CFAP46: variants seen among roughly 807,000 people sequenced by gnomAD.
CFAP46 encodes cilia- and flagella-associated protein 46.
CFAP46 carries 245 observed loss-of-function variants against 325.7 expected under a neutral mutation model. The observed-to-expected ratio is 0.75, with a 90% CI of 0.68 to 0.84. CFAP46 has a LOEUF of 0.84. CFAP46 is among the 40% of genes least tolerant of loss of function. CFAP46 has a pLI of 0.00. For synonymous variants in CFAP46, 1,523 were observed against 1,495.9 expected, an observed-to-expected ratio of 1.02 and a Z score of -0.42; for missense variants, 3,346 against 3,543.0, an observed-to-expected ratio of 0.94 and a Z score of 1.41.
chr10:132,835,181 C>T (rs1315863928), intron 47 of CFAP46, 123 bp downstream of exon 47: 3 of 1,359,098 alleles, frequency 2.2e-6, no homozygotes, highest in Non-Finnish European at 3.0e-6. Flanking sequence ...GTTGGGATGG[C>T]CCAAGCCCTT....
intron 50 of CFAP46, among the ~76,000 whole-genome samples, chr10:132,822,263 GT>G (rs62647713): frequency 0.21 from 12,969 of 62,652 alleles, 1,470 homozygotes; most frequent in African/African-American, 0.3. Context: ...GATGTGTGCT[GT>G]GTGTGTGCTG....
intron 10 of CFAP46, among the ~76,000 whole-genome samples, 180 bp from the exon 11 acceptor site, chr10:132,925,066 G>A (rs896780406): frequency 2.6e-5 from 4 of 152,232 alleles, no homozygotes; most frequent in African/African-American, 7.2e-5. Flanking sequence ...GGAAGTGGAC[G>A]TCTCACAAGA....
At position 132,813,409 on chromosome 10, in the gene CFAP46, C is replaced by T. The variant is rs1216939482; in HGVS notation, c.7389-512G>A. ...CTCTGCACACACCTGTCCCTGCACA[C>T]ACCTGCCCCTGCAGCCCCACCTCTG... is the stretch of plus-strand genomic sequence containing the variant. On this transcript the variant is annotated intron_variant, in intron 54 of 57. Coordinates refer to ENST00000368586, the MANE Select transcript of CFAP46 (RefSeq NM_001200049.3). Among the ~76,000 whole-genome samples the T allele has an allele frequency of 3.7e-4, 53 of 144,986 alleles. 1 individual carries two copies. Among genetic ancestry groups the T allele is most frequent in the African/African-American group, 1.2e-3 (47 of 38,476 alleles).
chr10:132,926,859 T>C (rs550820542), intron 9 of CFAP46, among the ~76,000 whole-genome samples, 193 bp from the exon 10 acceptor site: 2 of 152,316 alleles, frequency 1.3e-5, no homozygotes, highest in East Asian at 1.9e-4. Context: ...ACCAACTCCT[T>C]GTCTGCCTGC....
chr10:132,836,266 C>A, intron 45 of CFAP46, 48 bp from the exon 46 acceptor site: 2 of 1,566,126 alleles, frequency 1.3e-6, no homozygotes, highest in Non-Finnish European at 8.8e-7. Context: ...ATGAAGGAAA[C>A]ACACCTCACA....
chr10:132,868,967 G>A (rs1237394424), intron 33 of CFAP46, among the ~76,000 whole-genome samples: 4 of 152,290 alleles, frequency 2.6e-5, no homozygotes, highest in South Asian at 2.1e-4. Context: ...CTCAGGACCC[G>A]GCGCCCAGCA....
intron 41 of CFAP46, 36 bp downstream of exon 41, chr10:132,850,208 T>C (rs1848513158): frequency 2.6e-6 from 4 of 1,547,436 alleles, no homozygotes; most frequent in Non-Finnish European, 3.5e-6. Flanking sequence ...TGACTGGTGT[T>C]GGAGCCAGAC....
rs967082695 is a variant in CFAP46 at position 132,817,924 on chromosome 10, C to G, written c.7118-3010G>C. Among the ~76,000 whole-genome samples, 2 of 152,220 alleles carry G rather than the reference C, an allele frequency of 1.3e-5. No homozygotes were observed. Among genetic ancestry groups the G allele is most frequent in the Non-Finnish European group, 2.9e-5 (2 of 68,032 alleles). On this transcript the variant is annotated intron_variant, in intron 50 of 57. Transcript: ENST00000368586. This position sits in a 1 kb window ranked among gnomAD's most constrained non-coding sequence, Gnocchi z 4.4. ...CCCGGGGAGAATCCTCTCCTGGCTC[C>G]TGGCCACGCCCTCCATCCTCACCGT... is the stretch of plus-strand genomic sequence containing the variant.
At chr10:132,814,351 C>A in intron 53 of CFAP46, 97 bp from the exon 54 acceptor site, 1 of 1,113,530 alleles carries the variant, frequency 9.0e-7, no homozygotes, top group Non-Finnish European at 1.3e-6. Flanking sequence ...CGAATGCAGG[C>A]GCATATATCA....
chr10:132,942,342 C>T, intron 1 of CFAP46, 94 bp downstream of exon 1: 2 of 968,450 alleles, frequency 2.1e-6, no homozygotes, highest in Non-Finnish European at 2.7e-6. Context: ...ATTGGGCGGG[C>T]TGGGATGAGA....
chr10:132,905,721 G>A (rs1157170372), intron 22 of CFAP46, among the ~76,000 whole-genome samples: 1 of 152,190 alleles, frequency 6.6e-6, no homozygotes, highest in Non-Finnish European at 1.5e-5. Flanking sequence ...ATCTCAGCCT[G>A]GTGTCAGACA....
intron 54 of CFAP46, among the ~76,000 whole-genome samples, chr10:132,813,363 C>A (rs1305744689): frequency 6.8e-6 from 1 of 147,250 alleles, no homozygotes; most frequent in Non-Finnish European, 1.5e-5. Context: ...CCCCTGCACA[C>A]ACCTGCCCCT....
At chr10:132,859,382 A>C in intron 37 of CFAP46, 135 bp from the exon 38 acceptor site, 2 of 707,726 alleles carry the variant, frequency 2.8e-6, no homozygotes, top group Non-Finnish European at 4.6e-6. Context: ...ATTTCTCGAA[A>C]ATCAACATCA....
rs1259434942 is a variant in CFAP46 at position 132,880,858 on chromosome 10, C to T, written c.3799+3G>A. 3 of 1,545,654 alleles carry T rather than the reference C, an allele frequency of 1.9e-6. No individual in the cohort carries two copies. Among genetic ancestry groups the T allele is most frequent in the African/African-American group, 1.4e-5 (1 of 73,006 alleles). On this transcript the variant is annotated splice_donor_region_variant and intron_variant, in intron 28 of 57. Transcript: ENST00000368586. ...CGGCACCCTGCCAGCGGCGTGGGCT[C>T]ACCATCCGGCGTGGGCTGTGGCTCA...
In CFAP46 at chr10:132,808,723, G is replaced by A. The variant is rs1467252307; in HGVS notation, c.7846C>T (p.Pro2616Ser). ...PALASALGSA[P>S]LPTHPHLPAP... is the part of the protein sequence containing the mutation. ...GGGAGGTGGGGATGGGTTGGCAGAG[G>A]GGCAGAGCCAAGGGCAGAGGCAAGT... is the stretch of plus-strand genomic sequence containing the variant. The change falls in exon 58 of 58, where the codon CCT becomes TCT. Residue 2616 changes from proline to serine, a missense_variant. Coordinates refer to ENST00000368586, the MANE Select transcript of CFAP46 (RefSeq NM_001200049.3). The surrounding 1 kb of genome is among the most constrained non-coding windows in gnomAD (Gnocchi z 6.8). 3 of 1,570,078 alleles carry A rather than the reference G, an allele frequency of 1.9e-6. No individual in the cohort carries two copies. The highest frequency in any genetic ancestry group is 2.6e-6 in the Non-Finnish European group (3 of 1,157,946).
At position 132,835,313 on chromosome 10, in the gene CFAP46, G is replaced by A; in HGVS notation, c.6735C>T (p.Asn2245=). The A allele has an allele frequency of 6.2e-7, 1 of 1,613,166 alleles. No individual in the cohort carries two copies. The highest frequency in any genetic ancestry group is 1.1e-5 in the South Asian group (1 of 91,078). ...AQVYSEDMAL[N]IGSEPEGLQV... Reference sequence around the variant, plus strand: ...GCCTGGAGGGCCTCACCGAGCCTATGTTCAGGGCCATGTCCTCACTGTACA... The same window carrying A: ...GCCTGGAGGGCCTCACCGAGCCTATATTCAGGGCCATGTCCTCACTGTACA... The change falls in exon 47 of 58, where the codon AAC becomes AAT. Residue 2245 remains asparagine, a synonymous_variant. Transcript: ENST00000368586.
At chr10:132,859,383 A>G (rs1292926616) in intron 37 of CFAP46, 136 bp from the exon 38 acceptor site, 1 of 697,906 alleles carries the variant, frequency 1.4e-6, no homozygotes, top group Non-Finnish European at 2.3e-6. Context: ...TTTCTCGAAA[A>G]TCAACATCAT....
At chr10:132,881,956 G>A (rs1258692110) in intron 27 of CFAP46, among the ~76,000 whole-genome samples, 1 of 152,172 alleles carries the variant, frequency 6.6e-6, no homozygotes, top group Non-Finnish European at 1.5e-5. Context: ...AGTGGTGCAT[G>A]TGGGATGTGG....
chr10:132,935,472 A>G (rs139663349), intron 7 of CFAP46, among the ~76,000 whole-genome samples: 2,720 of 118,540 alleles, frequency 0.023, no homozygotes, highest in Middle Eastern at 0.041. Flanking sequence ...CACTCCCCTC[A>G]GCACCCAAAC....
Sources: gnomAD v4.1 joint callset for allele counts (sites outside exome capture counted in the v4.1 genomes callset) on GRCh38, gnomAD v4.1.1 for gene constraint, Gnocchi (gnomAD v3.1) non-coding constraint, MANE v1.5 for transcripts, NCBI Gene and HGNC (gene_info 2026-07-23, HGNC 2026-07-21) for gene names.